MYO3B: variants seen among roughly 807,000 people sequenced by gnomAD.
MYO3B encodes the protein myosin IIIB.
In MYO3B, 156 loss-of-function variants were observed where a neutral mutation model predicts 174.6. That is an observed-to-expected ratio of 0.89 (90% CI 0.78 to 1.02). The LOEUF is 1.02. Among genes scored for constraint, MYO3B ranks in the 50% least tolerant of loss-of-function variants. The pLI is 0.00. For missense variants in MYO3B, 1,632 were observed against 1,639.4 expected (o/e 1.00, Z 0.08); for synonymous variants, 563 against 569.1 (o/e 0.99, Z 0.15).
At chr2:170,521,975 T>C (rs1177553461) in intron 30 of MYO3B, among the ~76,000 whole-genome samples, 1 of 152,214 alleles carries the variant, frequency 6.6e-6, no homozygotes, top group Non-Finnish European at 1.5e-5. Context: ...GTGCTTTCCT[T>C]GAAGAGCCCT....
At chr2:170,650,672 C>CT (rs766676996) in intron 32 of MYO3B, among the ~76,000 whole-genome samples, 795 of 76,990 alleles carry the variant, frequency 0.01, 92 homozygotes, top group South Asian at 0.037. Context: ...TGAATTATGA[C>CT]TTTTTTTTTT....
chr2:170,559,912 ATG>A (rs1242832510), intron 32 of MYO3B, among the ~76,000 whole-genome samples: 1 of 151,952 alleles, frequency 6.6e-6, no homozygotes, highest in African/African-American at 2.4e-5. Flanking sequence ...GTTCCTAAGA[ATG>A]TGTGTGTGTT....
intron 7 of MYO3B, among the ~76,000 whole-genome samples, chr2:170,237,418 G>T (rs1372227013): frequency 6.6e-6 from 1 of 151,334 alleles, no homozygotes; most frequent in Non-Finnish European, 1.5e-5. Context: ...ATGTACTTTT[G>T]ATAAGAGATC....
At chr2:170,626,961 C>T (rs1281197955) in intron 32 of MYO3B, among the ~76,000 whole-genome samples, 2 of 152,182 alleles carry the variant, frequency 1.3e-5, no homozygotes, top group Non-Finnish European at 2.9e-5. Flanking sequence ...CCCGACCTTT[C>T]TCTCTGGCTG....
chr2:170,652,833 G>C lies in MYO3B; in HGVS notation c.3888-150G>C, dbSNP rs535869839. On this transcript the variant is annotated intron_variant, in intron 34 of 34. Transcript: ENST00000408978. ...TCAGACCCTGGTACCTCTGTACTGG[G>C]AGACCCTGAGCTACCTAGGAGCTGT... 20 of 753,116 alleles carry C rather than the reference G, an allele frequency of 2.7e-5. No homozygotes were observed. In the African/African-American group the frequency reaches 3.5e-4, roughly 13 times the overall value. 46.7% of individuals were successfully genotyped at this position (753,116 alleles called of 1,614,324 possible). A position where few individuals can be genotyped will look rare whatever the true frequency, so the allele number is the denominator to read the frequency against.
intron 25 of MYO3B, among the ~76,000 whole-genome samples, chr2:170,497,028 C>G (rs532735407): frequency 6.6e-5 from 10 of 152,210 alleles, no homozygotes; most frequent in African/African-American, 1.9e-4. Flanking sequence ...GGACACACCA[C>G]CCCCAAATAT....
chr2:170,215,896 T>C (rs2092822943), intron 5 of MYO3B, among the ~76,000 whole-genome samples: 1 of 152,210 alleles, frequency 6.6e-6, no homozygotes, highest in South Asian at 2.1e-4. Context: ...TTGATACTGA[T>C]GTATTCACTC....
intron 7 of MYO3B, among the ~76,000 whole-genome samples, chr2:170,282,618 G>T (rs1352291613): frequency 1.3e-5 from 2 of 150,678 alleles, no homozygotes; most frequent in Non-Finnish European, 3.0e-5. Context: ...AAATTTTAGG[G>T]TTTTTTTTTC....
chr2:170,328,100 T>C (rs2093882499), intron 7 of MYO3B, among the ~76,000 whole-genome samples: 1 of 151,854 alleles, frequency 6.6e-6, no homozygotes, highest in Admixed American at 6.6e-5. Flanking sequence ...CAGGGTTTTG[T>C]TGTATTGCCC....
intron 22 of MYO3B, among the ~76,000 whole-genome samples, chr2:170,412,625 C>G (rs2094553008): frequency 1.3e-5 from 2 of 152,288 alleles, no homozygotes; most frequent in South Asian, 4.1e-4. Flanking sequence ...CTGCTGAAAT[C>G]CTTGCAGTCA....
intron 32 of MYO3B, among the ~76,000 whole-genome samples, chr2:170,597,816 C>A (rs1303925813): frequency 6.6e-6 from 1 of 152,096 alleles, no homozygotes; most frequent in Non-Finnish European, 1.5e-5. Context: ...GTTTATTGCT[C>A]ACTTAACTAA....
chr2:170,260,277 C>T (rs1322143596), intron 7 of MYO3B, among the ~76,000 whole-genome samples: 1 of 152,172 alleles, frequency 6.6e-6, no homozygotes, highest in Non-Finnish European at 1.5e-5. Flanking sequence ...ATGTTAATTG[C>T]AGCACCATTC....
chr2:170,555,662 A>G (rs1691233807), intron 32 of MYO3B, among the ~76,000 whole-genome samples: 1 of 152,022 alleles, frequency 6.6e-6, no homozygotes, highest in South Asian at 2.1e-4. Context: ...GCCTGAGGCC[A>G]AGAGTTTAAG....
chr2:170,477,559 G>A (rs1321068807), intron 25 of MYO3B, among the ~76,000 whole-genome samples: 7 of 151,938 alleles, frequency 4.6e-5, no homozygotes, highest in Admixed American at 4.6e-4. Context: ...ACATTTGACT[G>A]TGAATAGCAA....
intron 32 of MYO3B, chr2:170,601,880 G>GCT: frequency 1.2e-6 from 1 of 850,602 alleles, no homozygotes; most frequent in Non-Finnish European, 1.9e-6. Flanking sequence ...AGGCCAGGAT[G>GCT]CTCTCCTTTG....
intron 28 of MYO3B, among the ~76,000 whole-genome samples, chr2:170,509,339 A>C (rs114784010): frequency 0.01 from 1,591 of 152,318 alleles, 27 homozygotes; most frequent in African/African-American, 0.036. Context: ...TCTGGGTGAC[A>C]CGGTGAGACC....
intron 30 of MYO3B, among the ~76,000 whole-genome samples, chr2:170,528,464 G>A (rs964669665): frequency 6.6e-6 from 1 of 152,100 alleles, no homozygotes; most frequent in Admixed American, 6.5e-5. Context: ...GGAGTGCAGT[G>A]GCGCAATCTC....
chr2:170,224,996 T>C (rs2092936901), intron 6 of MYO3B, among the ~76,000 whole-genome samples: 1 of 152,228 alleles, frequency 6.6e-6, no homozygotes, highest in Admixed American at 6.5e-5. Context: ...GGGCTAGAGA[T>C]GACAAATGAG....
At chr2:170,601,793 T>G in intron 32 of MYO3B, 1 of 1,252,120 alleles carries the variant, frequency 8.0e-7, no homozygotes, top group South Asian at 1.3e-5. Context: ...GCAGCCTTCT[T>G]TTCACAAAGC....
Sources: gnomAD v4.1 joint callset for allele counts (sites outside exome capture counted in the v4.1 genomes callset) on GRCh38, gnomAD v4.1.1 for gene constraint, MANE v1.5 for transcripts, NCBI Gene and HGNC (gene_info 2026-07-23, HGNC 2026-07-21) for gene names.